SHPRH: variants seen among roughly 807,000 people sequenced by gnomAD.
The protein encoded by SHPRH is E3 ubiquitin-protein ligase SHPRH.
Under a neutral mutation model 202.5 loss-of-function variants are expected in SHPRH, and 106 were observed. The ratio of observed to expected loss-of-function variants is 0.52; its 90% CI spans 0.45 to 0.62. SHPRH has a LOEUF of 0.62. Among genes scored for constraint, SHPRH ranks in the 20% least tolerant of loss-of-function variants. SHPRH has a pLI of 0.00. For synonymous variants in SHPRH, 729 were observed against 686.0 expected, an observed-to-expected ratio of 1.06 and a Z score of -0.98; for missense variants, 1,710 against 2,020.0, an observed-to-expected ratio of 0.85 and a Z score of 2.94.
rs758963666 is a variant in SHPRH, at chr6:145,943,256, C to A, written c.2125G>T (p.Ala709Ser). ...GCTCTTGTTGACACTGGTTCCATTGCAACAAGGCAGTGGGGGCAGTAAAAA... is the reference window on the plus strand; with the variant it reads ...GCTCTTGTTGACACTGGTTCCATTGAAACAAGGCAGTGGGGGCAGTAAAAA... ...KPFYCPHCLV[A>S]MEPVSTRATL... is the part of the protein sequence containing the mutation. The change falls in exon 9 of 30, where the codon GCA becomes TCA. Residue 709 changes from alanine to serine, a missense_variant. Ala to Ser is a moderately conservative substitution (Grantham distance 99). This residue lies in a region of SHPRH where 277 missense variants were observed against 363.0 expected (regional missense o/e 0.76). Transcript: ENST00000275233. 6.2e-7 allele frequency: 1 copy of A among 1,613,792 alleles called. No homozygotes were observed. Among genetic ancestry groups the A allele is most frequent in the Non-Finnish European group, 8.5e-7 (1 of 1,179,906 alleles).
chr6:145,927,111 T>C lies in SHPRH; in HGVS notation c.3201+78A>G, dbSNP rs1254752336. 7.8e-6 allele frequency: 10 copies of C among 1,284,166 alleles called. No individual in the cohort carries two copies. In the East Asian group the frequency reaches 1.7e-4, roughly 22 times the overall value. 79.5% of individuals were successfully genotyped at this position (1,284,166 alleles called of 1,614,324 possible). ...GATTATGACTGTTTGTTACCATTTATCCTCTTAAACATTCAGAAAAATTAT... is the reference window on the plus strand; with the variant it reads ...GATTATGACTGTTTGTTACCATTTACCCTCTTAAACATTCAGAAAAATTAT... On this transcript the variant is annotated intron_variant, in intron 15 of 29. Coordinates refer to ENST00000275233, the MANE Select transcript of SHPRH (RefSeq NM_001042683.3).
intron 8 of SHPRH, among the ~76,000 whole-genome samples, chr6:145,944,885 C>A (rs1163790132): frequency 6.6e-6 from 1 of 151,416 alleles, no homozygotes; most frequent in Non-Finnish European, 1.5e-5. Context: ...TAGTGAGAAC[C>A]CCGTCTCTAC....
At chr6:145,926,149 A>G (rs1784857753) in intron 16 of SHPRH, 55 bp downstream of exon 16, 4 of 1,388,210 alleles carry the variant, frequency 2.9e-6, no homozygotes, top group Non-Finnish European at 4.1e-6. Flanking sequence ...AACTATATGG[A>G]GCATAAAGTT....
chr6:145,893,949 T>TA (rs1330017937), intron 27 of SHPRH, among the ~76,000 whole-genome samples: 1 of 152,066 alleles, frequency 6.6e-6, no homozygotes, highest in Non-Finnish European at 1.5e-5. Context: ...GGGAGATCTT[T>TA]AAAAAACCAA....
chr6:145,881,963 G>A (rs982400926), downstream of SHPRH, among the ~76,000 whole-genome samples: 4 of 152,022 alleles, frequency 2.6e-5, no homozygotes, highest in East Asian at 3.9e-4. Context: ...AGGTGTGGTG[G>A]TGCATGTCTG....
intron 13 of SHPRH, 170 bp from the exon 14 acceptor site, chr6:145,933,348 C>T (rs1456908998): frequency 1.1e-6 from 1 of 916,590 alleles, no homozygotes; most frequent in Admixed American, 2.9e-5. Context: ...CACATAAGTA[C>T]CTTTATTTGA....
At chr6:145,950,544 CT>C in intron 3 of SHPRH, 62 bp from the exon 4 acceptor site, 1 of 1,503,564 alleles carries the variant, frequency 6.7e-7, no homozygotes. Flanking sequence ...ATAAGCAATT[CT>C]TATTCTAAGA....
chr6:145,888,052 T>C lies in SHPRH; in HGVS notation c.4923A>G (p.Arg1641=), dbSNP rs573361291. ...RFLIKATIEE[R]MQAMLKTAER... The stretch of plus-strand genomic sequence containing the variant: ...CAGCAGTTTTCAGCATTGCCTGCAT[T>C]CTTTCTTCTATTGTTGCTTTAATTA... Residue 1641 remains arginine (R), a synonymous_variant, in exon 29 of 30, where the codon AGA becomes AGG. Transcript: ENST00000275233. 1.9e-4 allele frequency: 302 copies of C among 1,613,314 alleles called. 2 individuals carry two copies. In the South Asian group the frequency reaches 3.1e-3, roughly 17 times the overall value.
chr6:145,948,342 G>T lies in SHPRH; in HGVS notation c.991C>A (p.Leu331Met). Residue 331 changes from leucine (L) to methionine (M), a missense_variant, in exon 5 of 30, where the codon CTG becomes ATG. Physicochemically the swap from Leu to Met is conservative, Grantham distance 15. Transcript: ENST00000275233. ...ACAATCTCTCGCCATAAGAAGTGCA[G>T]GGCACTTTCTAAAGAAAAATATAAT... ...FRSSPATESA[L>M]HFLWREIVTS... is the part of the protein sequence containing the mutation. 6.3e-7 allele frequency: 1 copy of T among 1,599,850 alleles called. No homozygotes were observed. The highest frequency in any genetic ancestry group is 1.1e-5 in the South Asian group (1 of 87,606).
rs1166579264 is a variant in SHPRH at position 145,884,907 on chromosome 6, T to A, written c.*1784A>T. On this transcript the variant is annotated 3_prime_UTR_variant, in exon 30 of 30. Coordinates refer to ENST00000275233, the MANE Select transcript of SHPRH (RefSeq NM_001042683.3). Reference sequence around the variant, plus strand: ...ATAGGTTTTTTTATATATATGTAATTTGATTTTACAAAATTGAAGCATATC... The same window carrying A: ...ATAGGTTTTTTTATATATATGTAATATGATTTTACAAAATTGAAGCATATC... 6.6e-6 allele frequency: 1 copy of A among 152,164 alleles called. No homozygotes were observed. The highest frequency in any genetic ancestry group is 1.5e-5 in the Non-Finnish European group (1 of 68,016). The allele number at this position is 152,164 out of a possible 1,614,324, so 9.4% of individuals were successfully genotyped here. A position where few individuals can be genotyped will look rare whatever the true frequency, so the allele number is the denominator to read the frequency against.
chr6:145,952,647 A>G (rs772941809), intron 2 of SHPRH, among the ~76,000 whole-genome samples, 169 bp from the exon 3 acceptor site: 3 of 152,072 alleles, frequency 2.0e-5, no homozygotes, highest in Non-Finnish European at 4.4e-5. Context: ...TTTCATTTTC[A>G]CTAACAAATT....
chr6:145,878,704 C>T (rs1422655476), intron 2 of SHPRH, among the ~76,000 whole-genome samples: 5 of 152,256 alleles, frequency 3.3e-5, no homozygotes, highest in African/African-American at 7.2e-5. Context: ...ATGAGAAAAA[C>T]GCTAATACTT....
intron 2 of SHPRH, chr6:145,871,518 T>C (rs2128691211): frequency 6.6e-6 from 1 of 152,224 alleles, no homozygotes; most frequent in East Asian, 1.9e-4. Context: ...CAAGGAGAAC[T>C]ACAAAGCACT....
chr6:145,915,952 C>CAATTACAAGTATGCTAGATCTATGA, intron 23 of SHPRH, among the ~76,000 whole-genome samples: 1 of 151,982 alleles, frequency 6.6e-6, no homozygotes, highest in East Asian at 1.9e-4. Context: ...TCTTGAACTT[C>CAATTACAAGTATGCTAGATCTATGA]AATTACAAGT....
rs200320010 is a variant in SHPRH at position 145,915,193 on chromosome 6, A to T, written c.4255-1644T>A. On this transcript the variant is annotated intron_variant, in intron 23 of 29. Coordinates refer to ENST00000275233, the MANE Select transcript of SHPRH (RefSeq NM_001042683.3). ...AATATAAATATTATAATACAATTAT[A>T]ATAAAATAAATTTTAATAAATTTAA... 1.1e-3 allele frequency among the ~76,000 whole-genome samples: 157 copies of T among 148,094 alleles called. 1 individual carries two copies. In the East Asian group the frequency reaches 0.028, roughly 26 times the overall value.
intron 13 of SHPRH, 109 bp downstream of exon 13, chr6:145,934,798 T>C (rs899973020): frequency 6.5e-6 from 7 of 1,073,210 alleles, no homozygotes; most frequent in Non-Finnish European, 9.3e-6. Flanking sequence ...CTCTACACCA[T>C]TAAAGATAAC....
chr6:145,860,768 C>G (rs763522522), downstream of SHPRH, among the ~76,000 whole-genome samples: 36 of 152,084 alleles, frequency 2.4e-4, no homozygotes, highest in Admixed American at 5.9e-4. Context: ...CTACAGTAAT[C>G]AAAACAGTAT....
Position 145,913,487 on chromosome 6 carries a change from T to C in SHPRH, c.4317A>G (p.Leu1439=), listed in dbSNP as rs766095042. ...TTTATCATAATTTTACCTGTTTTCC[T>C]AGCTGTCGAGCACAGATTGGGCAAG... ...PEPCPICARQ[L]GKQWAVLTCG... The change falls in exon 24 of 30, where the codon CTA becomes CTG. Residue 1439 remains leucine (L), a synonymous_variant. Transcript: ENST00000275233. The C allele has an allele frequency of 1.9e-6, 3 of 1,609,528 alleles. No homozygotes were observed. The highest frequency in any genetic ancestry group is 3.4e-5 in the Admixed American group (2 of 59,400).
intron 1 of SHPRH, among the ~76,000 whole-genome samples, chr6:145,962,002 A>G (rs558101138): frequency 6.6e-6 from 1 of 152,344 alleles, no homozygotes; most frequent in South Asian, 2.1e-4. Flanking sequence ...GGTTTTATTC[A>G]TACCTTATCA....
Sources: allele counts gnomAD v4.1 joint callset (sites outside exome capture counted in the v4.1 genomes callset), GRCh38; gene constraint gnomAD v4.1.1; regional missense constraint gnomAD v4.1.1; transcripts MANE v1.5; gene names NCBI Gene and HGNC (gene_info 2026-07-23, HGNC 2026-07-21).